The following ACOXL variants were observed in gnomAD, a reference collection of about 807,000 sequenced individuals.
The protein encoded by ACOXL is acyl-coenzyme A oxidase-like protein.
In ACOXL, 70 loss-of-function variants were observed where a neutral mutation model predicts 71.9. The ratio of observed to expected loss-of-function variants is 0.97; its 90% CI spans 0.80 to 1.19. The LOEUF (loss-of-function observed/expected upper bound fraction) is 1.19. Among genes scored for constraint, ACOXL ranks in the 50% most tolerant of loss-of-function variants. The pLI is 0.00. For synonymous variants in ACOXL, 253 were observed against 281.6 expected (o/e 0.90, Z 1.02); for missense variants, 703 against 736.3 (o/e 0.95, Z 0.52).
intron 10 of ACOXL, chr2:110,886,879 A>G (rs1421005190): frequency 6.5e-7 from 1 of 1,549,992 alleles, no homozygotes; most frequent in Non-Finnish European, 8.7e-7. Context: ...GGTTTTTGCT[A>G]ACGTTTCTTA....
intron 10 of ACOXL, among the ~76,000 whole-genome samples, chr2:110,850,207 A>G (rs1390759814): frequency 2.0e-5 from 3 of 152,186 alleles, no homozygotes; most frequent in African/African-American, 7.2e-5. Context: ...CTTAGAGAAA[A>G]CTTTCTTCAG....
At chr2:110,861,192 G>A (rs1295739062) in intron 10 of ACOXL, among the ~76,000 whole-genome samples, 1 of 152,074 alleles carries the variant, frequency 6.6e-6, no homozygotes, top group African/African-American at 2.4e-5. Context: ...ACAGAATCCT[G>A]ACTCCCAAAT....
At chr2:110,828,833 T>C (rs1689476610) in intron 9 of ACOXL, among the ~76,000 whole-genome samples, 1 of 151,738 alleles carries the variant, frequency 6.6e-6, no homozygotes, top group African/African-American at 2.4e-5. Flanking sequence ...TTTTTTGAGA[T>C]GGAGTTTTGT....
intron 8 of ACOXL, among the ~76,000 whole-genome samples, chr2:110,802,851 T>C (rs1248424440): frequency 6.6e-6 from 1 of 152,174 alleles, no homozygotes; most frequent in African/African-American, 2.4e-5. Context: ...TAATGTGTTG[T>C]ATATTTCAAA....
intron 1 of ACOXL, among the ~76,000 whole-genome samples, chr2:110,767,139 T>C (rs1294490939): frequency 1.3e-5 from 2 of 152,242 alleles, no homozygotes; most frequent in African/African-American, 4.8e-5. Flanking sequence ...ATCCTTTTCA[T>C]ATCCTCTGGC....
chr2:111,118,076 C>A lies in ACOXL; in HGVS notation c.*260C>A. On this transcript the variant is annotated 3_prime_UTR_variant, in exon 18 of 18. Coordinates refer to ENST00000439055, the MANE Select transcript of ACOXL (RefSeq NM_001142807.4). ...CAGCCTGGCCTGACTGCAACCTCTC[C>A]CAACTTCAGTGCCGGATCCCCTAGA... 1.8e-6 allele frequency: 1 copy of A among 568,362 alleles called. No homozygotes were observed. The allele number at this position is 568,362 out of a possible 1,614,324, so 35.2% of individuals were successfully genotyped here. A position where few individuals can be genotyped will look rare whatever the true frequency, so the allele number is the denominator to read the frequency against.
At chr2:110,974,496 G>GA (rs2062357391) in intron 12 of ACOXL, among the ~76,000 whole-genome samples, 1 of 152,200 alleles carries the variant, frequency 6.6e-6, no homozygotes, top group Non-Finnish European at 1.5e-5. Context: ...CCACACCCAT[G>GA]AAACCCCATT....
At chr2:110,842,492 C>T (rs1310721055) in intron 10 of ACOXL, among the ~76,000 whole-genome samples, 1 of 152,154 alleles carries the variant, frequency 6.6e-6, no homozygotes, top group African/African-American at 2.4e-5. Flanking sequence ...TTTTATATAA[C>T]ATGGGAGCTC....
chr2:110,847,291 T>G (rs1215587924), intron 10 of ACOXL, among the ~76,000 whole-genome samples: 3 of 152,148 alleles, frequency 2.0e-5, no homozygotes, highest in Non-Finnish European at 4.4e-5. Flanking sequence ...TGAGTGCCCC[T>G]GGGCCAAGAT....
chr2:110,813,715 C>A (rs1478836262), intron 9 of ACOXL, among the ~76,000 whole-genome samples: 1 of 152,192 alleles, frequency 6.6e-6, no homozygotes, highest in Non-Finnish European at 1.5e-5. Flanking sequence ...TTCCTTTGTT[C>A]TATCCTGTAG....
chr2:111,068,759 C>A (rs1442775524), intron 16 of ACOXL, among the ~76,000 whole-genome samples: 1 of 152,236 alleles, frequency 6.6e-6, no homozygotes, highest in African/African-American at 2.4e-5. Context: ...TTGACCCCAA[C>A]ACCACTAATG....
chr2:110,733,651 G>A (rs115225072), intron 1 of ACOXL, among the ~76,000 whole-genome samples: 55 of 152,292 alleles, frequency 3.6e-4, no homozygotes, highest in African/African-American at 1.3e-3. Context: ...GAAGGAGATG[G>A]CTTGAGTGAA....
At chr2:110,823,726 G>A (rs1041541297) in intron 9 of ACOXL, among the ~76,000 whole-genome samples, 3 of 152,176 alleles carry the variant, frequency 2.0e-5, no homozygotes, top group African/African-American at 7.2e-5. Context: ...ATGATGTTGA[G>A]CATCATTTCA....
chr2:110,940,062 A>G (rs1304497037), intron 12 of ACOXL, among the ~76,000 whole-genome samples: 2 of 152,268 alleles, frequency 1.3e-5, no homozygotes, highest in African/African-American at 4.8e-5. Context: ...AAATCTTTAC[A>G]ACCCAGTATT....
chr2:111,065,546 T>A (rs1558931012), intron 16 of ACOXL, among the ~76,000 whole-genome samples: 1 of 152,200 alleles, frequency 6.6e-6, no homozygotes, highest in Non-Finnish European at 1.5e-5. Context: ...AAGCATTTGT[T>A]CTGTGAAAGA....
chr2:110,944,698 A>G (rs1558767876), intron 12 of ACOXL, among the ~76,000 whole-genome samples: 1 of 152,190 alleles, frequency 6.6e-6, no homozygotes, highest in Non-Finnish European at 1.5e-5. Flanking sequence ...ATGGCAGTGT[A>G]GAATTCCATG....
intron 10 of ACOXL, among the ~76,000 whole-genome samples, chr2:110,846,600 A>T (rs528146356): frequency 4.0e-5 from 6 of 148,818 alleles, no homozygotes; most frequent in Middle Eastern, 3.5e-3. Flanking sequence ...GTTCAGGGTG[A>T]GACCATCCTC....
chr2:110,737,724 C>A (rs979472039), intron 1 of ACOXL, among the ~76,000 whole-genome samples: 1 of 152,196 alleles, frequency 6.6e-6, no homozygotes, highest in African/African-American at 2.4e-5. Flanking sequence ...ACCCCTCCTG[C>A]CCCTCATGGA....
At chr2:110,874,568 C>T (rs994446736) in intron 10 of ACOXL, among the ~76,000 whole-genome samples, 4 of 152,108 alleles carry the variant, frequency 2.6e-5, no homozygotes, top group Non-Finnish European at 5.9e-5. Flanking sequence ...CAAGAGAGGA[C>T]GAGATTAGCA....
Sources: allele counts gnomAD v4.1 joint callset (sites outside exome capture counted in the v4.1 genomes callset), GRCh38; gene constraint gnomAD v4.1.1; transcripts MANE v1.5; gene names NCBI Gene and HGNC (gene_info 2026-07-23, HGNC 2026-07-21).